The following MSI1 variants were observed in gnomAD, a reference collection of about 807,000 sequenced individuals.
MSI1 encodes the protein RNA-binding protein Musashi homolog 1.
In MSI1, 15 loss-of-function variants were observed where a neutral mutation model predicts 54.4. That is an observed-to-expected ratio of 0.28 (90% CI 0.18 to 0.42). The LOEUF is 0.42. MSI1 is among the 20% of genes least tolerant of loss of function. The pLI, the probability that MSI1 is intolerant of heterozygous loss-of-function variation, is 1.00. For synonymous variants in MSI1, 200 were observed against 196.5 expected, an observed-to-expected ratio of 1.02 and a Z score of -0.15; for missense variants, 304 against 506.0, an observed-to-expected ratio of 0.60 and a Z score of 3.83.
intron 14 of MSI1, among the ~76,000 whole-genome samples, chr12:120,344,623 G>T (rs1021780351): frequency 6.6e-6 from 1 of 152,052 alleles, no homozygotes. Context: ...GTGGAGGATG[G>T]CTTGAGCCTA....
intron 13 of MSI1, 42 bp from the exon 14 acceptor site, chr12:120,345,674 G>C: frequency 6.2e-7 from 1 of 1,610,314 alleles, no homozygotes; most frequent in Non-Finnish European, 8.5e-7. Context: ...CTGGGAAATA[G>C]AGGAAGATCA....
At chr12:120,358,302 G>A (rs186049556) in intron 7 of MSI1, among the ~76,000 whole-genome samples, 27 of 152,220 alleles carry the variant, frequency 1.8e-4, no homozygotes, top group Admixed American at 2.6e-4. Context: ...ACACATTCAC[G>A]CATGCATACA....
chr12:120,368,861 G>A lies in MSI1; in HGVS notation c.72C>T (p.Ile24=). ...GCGTAGTCTGCCAACTGAGTCCCCCGATGAACATCTTGCTGCGGGAGGAGG... is the reference window on the plus strand; with the variant it reads ...GCGTAGTCTGCCAACTGAGTCCCCCAATGAACATCTTGCTGCGGGAGGAGG... ...DSPHDPCKMF[I]GGLSWQTTQE... Residue 24 remains isoleucine, a synonymous_variant, in exon 2 of 15, where the codon ATC becomes ATT. Coordinates refer to ENST00000257552, the MANE Select transcript of MSI1 (RefSeq NM_002442.4). The surrounding 1 kb of genome is among the most constrained non-coding windows in gnomAD (Gnocchi z 6.6). The A allele has an allele frequency of 6.8e-7, 1 of 1,471,796 alleles. No individual in the cohort carries two copies. The highest frequency in any genetic ancestry group is 9.1e-7 in the Non-Finnish European group (1 of 1,101,806). The allele number at this position is 1,471,796 out of a possible 1,614,324, so 91.2% of individuals were successfully genotyped here.
chr12:120,368,409 C>T lies in MSI1; in HGVS notation c.101-136G>A. 1.2e-6 allele frequency: 1 copy of T among 857,390 alleles called. No homozygotes were observed. Among genetic ancestry groups the T allele is most frequent in the South Asian group, 2.0e-5 (1 of 50,638 alleles). 53.1% of individuals were successfully genotyped at this position (857,390 alleles called of 1,614,324 possible). ...GCCCGCGCGTTCTCCACTGCCGCCG[C>T]CCCCCACCGCCCTCGCCCCGTTCCC... is the stretch of plus-strand genomic sequence containing the variant. On this transcript the variant is annotated intron_variant, in intron 2 of 14. Transcript: ENST00000257552. The surrounding 1 kb of genome is among the most constrained non-coding windows in gnomAD (Gnocchi z 6.6).
At position 120,358,997 on chromosome 12, in the gene MSI1, A is replaced by G; in HGVS notation, c.451+8T>C. 6.4e-7 allele frequency: 1 copy of G among 1,567,174 alleles called. No homozygotes were observed. Among genetic ancestry groups the G allele is most frequent in the Non-Finnish European group, 8.7e-7 (1 of 1,156,000 alleles). On this transcript the variant is annotated splice_region_variant and intron_variant, in intron 7 of 14. Coordinates refer to ENST00000257552, the MANE Select transcript of MSI1 (RefSeq NM_002442.4). ...CCAGCCTGGGAAGGGGGAGGGGGCC[A>G]CACTCACCTCGGTGCCGGTTGGTGG... is the stretch of plus-strand genomic sequence containing the variant.
At chr12:120,352,054 G>A (rs938330808) in intron 10 of MSI1, among the ~76,000 whole-genome samples, 10 of 145,500 alleles carry the variant, frequency 6.9e-5, no homozygotes, top group African/African-American at 2.5e-4. Flanking sequence ...GTCTCACTCT[G>A]CTGCCCAGGC....
At chr12:120,364,382 C>T (rs1875888970) in intron 5 of MSI1, among the ~76,000 whole-genome samples, 2 of 152,082 alleles carry the variant, frequency 1.3e-5, no homozygotes, top group Non-Finnish European at 2.9e-5. Flanking sequence ...GCCTGGACAT[C>T]AAGGCTGTGG....
chr12:120,351,930 G>C (rs1263610508), intron 10 of MSI1, among the ~76,000 whole-genome samples: 25 of 149,816 alleles, frequency 1.7e-4, no homozygotes, highest in South Asian at 4.2e-4. Context: ...GGATGGTCTC[G>C]ATCTCCTGAC....
intron 9 of MSI1, 103 bp downstream of exon 9, chr12:120,356,799 G>C (rs1360254881): frequency 4.0e-6 from 4 of 1,006,300 alleles, no homozygotes; most frequent in East Asian, 2.4e-5. Context: ...GACTCAGACA[G>C]GAGGAGGGCA....
intron 4 of MSI1, 108 bp from the exon 5 acceptor site, chr12:120,364,863 G>A (rs940493965): frequency 4.3e-5 from 40 of 932,466 alleles, no homozygotes; most frequent in Non-Finnish European, 6.3e-5. Context: ...ACACAAAGGT[G>A]ACAGAAATCA....
chr12:120,368,491 G>A lies in MSI1; in HGVS notation c.101-218C>T, dbSNP rs1001294706. Among the ~76,000 whole-genome samples the A allele has an allele frequency of 1.3e-5, 2 of 152,048 alleles. No individual in the cohort carries two copies. The highest frequency in any genetic ancestry group is 2.4e-5 in the African/African-American group (1 of 41,432). Reference sequence around the variant, plus strand: ...GGAAGCCGAGGGCCGAGCTGGGCTGGAAGGGGGACGGCTCCGGCCGGGTTC... The same window carrying A: ...GGAAGCCGAGGGCCGAGCTGGGCTGAAAGGGGGACGGCTCCGGCCGGGTTC... On this transcript the variant is annotated intron_variant, in intron 2 of 14. Transcript: ENST00000257552. The surrounding 1 kb of genome is among the most constrained non-coding windows in gnomAD (Gnocchi z 6.6).
intron 12 of MSI1, among the ~76,000 whole-genome samples, chr12:120,346,774 AG>A (rs1874161798): frequency 6.6e-6 from 1 of 152,138 alleles, no homozygotes; most frequent in South Asian, 2.1e-4. Context: ...CAAAGTTAAG[AG>A]GCCCTTCCTC....
intron 7 of MSI1, 78 bp downstream of exon 7, chr12:120,358,927 T>C (rs1040319607): frequency 2.0e-6 from 3 of 1,487,676 alleles, no homozygotes; most frequent in African/African-American, 1.4e-5. Context: ...GAAGGCGAGA[T>C]GAAAGGGCAG....
chr12:120,348,970 T>A (rs1332737447), intron 11 of MSI1, among the ~76,000 whole-genome samples: 1 of 152,136 alleles, frequency 6.6e-6, no homozygotes, highest in African/African-American at 2.4e-5. Context: ...AACTCCTGAC[T>A]TCAAGCTATC....
chr12:120,345,764 A>C, intron 13 of MSI1, 132 bp from the exon 14 acceptor site: 1 of 1,049,306 alleles, frequency 9.5e-7, no homozygotes, highest in South Asian at 1.4e-5. Flanking sequence ...CCCCTACTGC[A>C]GGTCTGCCTA....
In MSI1 at chr12:120,352,971, C is replaced by G. The variant is rs867028479; in HGVS notation, c.733+328G>C. ...CAACCAACAATGGCCCTCGGAGAGGCCCCCACTACAAGCCCAATGCCCTCT... is the reference window on the plus strand; with the variant it reads ...CAACCAACAATGGCCCTCGGAGAGGGCCCCACTACAAGCCCAATGCCCTCT... On this transcript the variant is annotated intron_variant, in intron 10 of 14. Transcript: ENST00000257552. 3.7e-4 allele frequency among the ~76,000 whole-genome samples: 57 copies of G among 152,216 alleles called. No individual in the cohort carries two copies. In the Middle Eastern group the frequency reaches 0.017, roughly 45 times the overall value.
At chr12:120,363,623 C>T (rs1359015884) in intron 5 of MSI1, among the ~76,000 whole-genome samples, 2 of 152,210 alleles carry the variant, frequency 1.3e-5, no homozygotes, top group Non-Finnish European at 2.9e-5. Context: ...ACCCCAGGAG[C>T]GCATGGCTAA....
chr12:120,365,470 C>T (rs766745620), intron 4 of MSI1, among the ~76,000 whole-genome samples: 1 of 152,188 alleles, frequency 6.6e-6, no homozygotes, highest in Non-Finnish European at 1.5e-5. Flanking sequence ...CTTATTCCTT[C>T]AAGTATCAGG....
chr12:120,368,964 C>A lies in MSI1; in HGVS notation c.59+69G>T. On this transcript the variant is annotated intron_variant, in intron 1 of 14. Coordinates refer to ENST00000257552, the MANE Select transcript of MSI1 (RefSeq NM_002442.4). The surrounding 1 kb of genome is among the most constrained non-coding windows in gnomAD (Gnocchi z 6.6). ...GGCCCGGGCTCCGGGGAGGCCCGGCCGGACCCGGATCGGCCATGTTGGCGG... is the reference window on the plus strand; with the variant it reads ...GGCCCGGGCTCCGGGGAGGCCCGGCAGGACCCGGATCGGCCATGTTGGCGG... 1.7e-6 allele frequency: 2 copies of A among 1,177,660 alleles called. No homozygotes were observed. Among genetic ancestry groups the A allele is most frequent in the Non-Finnish European group, 1.1e-6 (1 of 948,250 alleles). 73.0% of individuals were successfully genotyped at this position (1,177,660 alleles called of 1,614,324 possible).
Sources: gnomAD v4.1 joint callset for allele counts (sites outside exome capture counted in the v4.1 genomes callset) on GRCh38, gnomAD v4.1.1 for gene constraint, Gnocchi (gnomAD v3.1) non-coding constraint, MANE v1.5 for transcripts, NCBI Gene and HGNC (gene_info 2026-07-23, HGNC 2026-07-21) for gene names.